Variants in GRIN2A observed in about 807,000 individuals in gnomAD.
The protein encoded by GRIN2A is glutamate ionotropic receptor NMDA type subunit 2A.
Under a neutral mutation model 113.4 loss-of-function variants are expected in GRIN2A, and 22 were observed. The ratio of observed to expected loss-of-function variants is 0.19; its 90% CI spans 0.14 to 0.28. GRIN2A has a LOEUF of 0.28. Among genes scored for constraint, GRIN2A ranks in the 10% least tolerant of loss-of-function variants. The pLI, the probability that GRIN2A is intolerant of heterozygous loss-of-function variation, is 1.00. For missense variants in GRIN2A, 1,502 were observed against 1,887.0 expected (o/e 0.80, Z 3.78); for synonymous variants, 827 against 738.4 (o/e 1.12, Z -1.94).
intron 2 of GRIN2A, chr16:10,037,318 G>C (rs2047055401): frequency 6.6e-6 from 1 of 152,104 alleles, no homozygotes; most frequent in South Asian, 2.1e-4. Context: ...CCATTGCACT[G>C]CATTAACTAA....
At chr16:10,161,301 C>T (rs1173410129) in intron 2 of GRIN2A, among the ~76,000 whole-genome samples, 2 of 152,100 alleles carry the variant, frequency 1.3e-5, no homozygotes, top group Admixed American at 6.5e-5. Flanking sequence ...TGTAAATTTC[C>T]GGAGGCCTCC....
intron 2 of GRIN2A, among the ~76,000 whole-genome samples, chr16:10,175,220 T>C (rs1041683903): frequency 6.6e-6 from 1 of 152,202 alleles, no homozygotes; most frequent in Non-Finnish European, 1.5e-5. Flanking sequence ...TAACGATCCA[T>C]TTCTCAGAAC....
At chr16:9,990,553 G>GCC (rs2046086972) in intron 2 of GRIN2A, among the ~76,000 whole-genome samples, 1 of 104,114 alleles carries the variant, frequency 9.6e-6, no homozygotes, top group Non-Finnish European at 2.2e-5. Context: ...ACACGCGCGC[G>GCC]CGCGCGCGCG....
chr16:9,890,926 C>A, intron 4 of GRIN2A, 60 bp downstream of exon 4: 3 of 1,010,506 alleles, frequency 3.0e-6, no homozygotes, highest in Non-Finnish European at 4.8e-6. Context: ...GCACTGTGAG[C>A]CCCTTTATTG....
intron 2 of GRIN2A, among the ~76,000 whole-genome samples, chr16:9,956,520 A>C (rs2045314105): frequency 6.6e-6 from 1 of 152,182 alleles, no homozygotes; most frequent in Non-Finnish European, 1.5e-5. Flanking sequence ...TGTGTCTTTA[A>C]TTAATTCATT....
At chr16:10,111,733 C>A (rs993904390) in intron 2 of GRIN2A, 1 of 1,529,318 alleles carries the variant, frequency 6.5e-7, no homozygotes, top group East Asian at 2.3e-5. Flanking sequence ...CATCACGGAC[C>A]CCGTGGTGCT....
chr16:9,872,978 G>A (rs555521155), intron 4 of GRIN2A, among the ~76,000 whole-genome samples: 4 of 152,162 alleles, frequency 2.6e-5, no homozygotes, highest in Admixed American at 6.5e-5. Context: ...CCAAGAGTTC[G>A]AGGCTGCAAT....
chr16:10,039,295 A>C (rs1461182196), intron 2 of GRIN2A, among the ~76,000 whole-genome samples: 1 of 152,130 alleles, frequency 6.6e-6, no homozygotes, highest in Non-Finnish European at 1.5e-5. Context: ...TCACGACTCA[A>C]AGGCGAATGC....
intron 2 of GRIN2A, among the ~76,000 whole-genome samples, chr16:9,950,820 G>C (rs2045162105): frequency 6.6e-6 from 1 of 152,160 alleles, no homozygotes; most frequent in Admixed American, 6.5e-5. Flanking sequence ...AACAGGAAAA[G>C]CAATTTCCAC....
At chr16:9,981,085 G>C (rs957490208) in intron 2 of GRIN2A, among the ~76,000 whole-genome samples, 15 of 151,390 alleles carry the variant, frequency 9.9e-5, no homozygotes, top group Admixed American at 8.5e-4. Flanking sequence ...AAAGTCCTTA[G>C]AGGAGGAAAA....
At chr16:9,941,276 C>T (rs113632024) in intron 2 of GRIN2A, among the ~76,000 whole-genome samples, 63 of 152,222 alleles carry the variant, frequency 4.1e-4, no homozygotes, top group African/African-American at 1.5e-3. Context: ...CACCCTTGCT[C>T]TATGTACTCT....
intron 2 of GRIN2A, among the ~76,000 whole-genome samples, chr16:10,018,831 T>A (rs2046659468): frequency 6.6e-6 from 1 of 152,122 alleles, no homozygotes. Flanking sequence ...GCAGACACCT[T>A]GGAAATCCTC....
chr16:10,167,583 T>A (rs989641816), intron 2 of GRIN2A, among the ~76,000 whole-genome samples: 1 of 152,150 alleles, frequency 6.6e-6, no homozygotes, highest in Non-Finnish European at 1.5e-5. Context: ...ATATTTTCCC[T>A]CCTGAAATGG....
chr16:10,178,913 G>A (rs763757695), intron 2 of GRIN2A, among the ~76,000 whole-genome samples: 15 of 152,210 alleles, frequency 9.9e-5, no homozygotes, highest in Non-Finnish European at 1.6e-4. Flanking sequence ...TGGCACACAA[G>A]TACACTTACT....
chr16:9,920,237 G>A (rs954780528), intron 3 of GRIN2A, among the ~76,000 whole-genome samples: 1 of 152,180 alleles, frequency 6.6e-6, no homozygotes, highest in South Asian at 2.1e-4. Flanking sequence ...ATGAAAACGG[G>A]TGAATGCATG....
chr16:10,023,478 A>C (rs1302981063), intron 2 of GRIN2A, among the ~76,000 whole-genome samples: 1 of 152,252 alleles, frequency 6.6e-6, no homozygotes, highest in East Asian at 1.9e-4. Flanking sequence ...AACCTGGCAC[A>C]AATCTTAAAA....
intron 3 of GRIN2A, among the ~76,000 whole-genome samples, chr16:9,905,633 A>G (rs984633032): frequency 6.6e-6 from 1 of 152,208 alleles, no homozygotes; most frequent in Non-Finnish European, 1.5e-5. Context: ...ACGGGACTGC[A>G]TCCCTTCTGG....
At chr16:9,786,865 TTAATA>T (rs1323823768) in intron 11 of GRIN2A, among the ~76,000 whole-genome samples, 1 of 152,126 alleles carries the variant, frequency 6.6e-6, no homozygotes, top group Non-Finnish European at 1.5e-5. Context: ...GCAAATGAAA[TTAATA>T]TAAGGACCAA....
chr16:10,047,082 A>C (rs1403431186), intron 2 of GRIN2A, among the ~76,000 whole-genome samples: 1 of 152,234 alleles, frequency 6.6e-6, no homozygotes, highest in Non-Finnish European at 1.5e-5. Context: ...ACACATTGCC[A>C]AACAGAGAAC....
Sources: allele counts gnomAD v4.1 joint callset (sites outside exome capture counted in the v4.1 genomes callset), GRCh38; gene constraint gnomAD v4.1.1; transcripts MANE v1.5; gene names NCBI Gene and HGNC (gene_info 2026-07-23, HGNC 2026-07-21).